Variants in NFIB observed in about 807,000 individuals in gnomAD.
The protein encoded by NFIB is nuclear factor I B.
In NFIB, 11 loss-of-function variants were observed where a neutral mutation model predicts 61.5. The observed-to-expected ratio is 0.18, with a 90% CI of 0.11 to 0.30. The LOEUF (loss-of-function observed/expected upper bound fraction) is 0.30. NFIB is among the 10% of genes least tolerant of loss of function. The pLI, the probability that NFIB is intolerant of heterozygous loss-of-function variation, is 1.00. For missense variants in NFIB, 471 were observed against 608.9 expected (o/e 0.77, Z 2.38); for synonymous variants, 260 against 216.5 (o/e 1.20, Z -1.76).
the NFIB span, among the ~76,000 whole-genome samples, chr9:14,509,096 G>T: frequency 6.6e-6 from 1 of 152,276 alleles, no homozygotes; most frequent in Non-Finnish European, 1.5e-5. Flanking sequence ...TTCAGCAAGC[G>T]TTTCTTGAGG....
At chr9:14,392,187 T>G (rs908818836) in intron 1 of NFIB, among the ~76,000 whole-genome samples, 1 of 152,156 alleles carries the variant, frequency 6.6e-6, no homozygotes, top group Non-Finnish European at 1.5e-5. Context: ...ACATAATGAC[T>G]AAATATAACG....
At chr9:14,213,168 C>G (rs2131741071) in intron 2 of NFIB, among the ~76,000 whole-genome samples, 1 of 152,288 alleles carries the variant, frequency 6.6e-6, no homozygotes, top group South Asian at 2.1e-4. Context: ...AATCTTCTCA[C>G]TGCCTGGGAA....
At chr9:14,339,929 A>G (rs2060930406) in intron 1 of NFIB, among the ~76,000 whole-genome samples, 1 of 152,192 alleles carries the variant, frequency 6.6e-6, no homozygotes, top group African/African-American at 2.4e-5. Context: ...GTATTTGGTA[A>G]TTGCCTGGCT....
At chr9:14,462,714 A>G in the NFIB span, among the ~76,000 whole-genome samples, 2 of 152,102 alleles carry the variant, frequency 1.3e-5, no homozygotes, top group Admixed American at 1.3e-4. Flanking sequence ...AATTGGGGGA[A>G]TTTTTCATAG....
At chr9:14,256,213 G>C (rs1369196889) in intron 2 of NFIB, among the ~76,000 whole-genome samples, 1 of 152,102 alleles carries the variant, frequency 6.6e-6, no homozygotes, top group Non-Finnish European at 1.5e-5. Flanking sequence ...ATTCCAGAGA[G>C]ATTGAATTTC....
chr9:14,116,203 C>T lies in NFIB; in HGVS notation c.1384+5G>A. 1 of 1,495,242 alleles carries T rather than the reference C, an allele frequency of 6.7e-7. No homozygotes were observed. The highest frequency in any genetic ancestry group is 9.0e-7 in the Non-Finnish European group (1 of 1,115,632). 92.6% of individuals were successfully genotyped at this position (1,495,242 alleles called of 1,614,324 possible). A position where few individuals can be genotyped will look rare whatever the true frequency, so the allele number is the denominator to read the frequency against. ...TACTGGTTGCTGTAGGTGAAGCTGC[C>T]TCACCTTCAGTGGATGTAGTGATGG... On this transcript the variant is annotated splice_donor_5th_base_variant and intron_variant, in intron 9 of 10. Transcript: ENST00000380953.
At position 14,084,243 on chromosome 9, in the gene NFIB, T is replaced by C. The variant is rs78844681; in HGVS notation, c.*4066A>G. The C allele has an allele frequency of 1.6e-3, 314 of 199,750 alleles. 3 individuals are homozygous for C. The highest frequency in any genetic ancestry group is 6.8e-3 in the African/African-American group (295 of 43,534). The allele number at this position is 199,750 out of a possible 1,614,324, so 12.4% of individuals were successfully genotyped here. A position where few individuals can be genotyped will look rare whatever the true frequency, so the allele number is the denominator to read the frequency against. On this transcript the variant is annotated 3_prime_UTR_variant, in exon 11 of 11. Transcript: ENST00000380953. ...TTACTTTAAAAATGGAAACAACATATAGTTCCATTATAATTGTTAAAAAGT... is the reference window on the plus strand; with the variant it reads ...TTACTTTAAAAATGGAAACAACATACAGTTCCATTATAATTGTTAAAAAGT...
At chr9:14,194,377 T>G (rs4551459) in intron 2 of NFIB, among the ~76,000 whole-genome samples, 4 of 151,980 alleles carry the variant, frequency 2.6e-5, no homozygotes, top group Admixed American at 6.6e-5. Context: ...CTAAAAACCA[T>G]AGGAATAATG....
chr9:14,113,015 A>C lies in NFIB; in HGVS notation c.1451T>G (p.Phe484Cys). The stretch of plus-strand genomic sequence containing the variant: ...CTTGCCCACCTGTTGCTGATGTAGG[A>C]AGGATGGGTCTCTTGGGCTTAGTCC... ...YVGLSPRDPS[F>C]LHQQQSWYLG The change falls in exon 10 of 11, where the codon TTC becomes TGC. Residue 484 changes from phenylalanine to cysteine, a missense_variant. Physicochemically the swap from Phe to Cys is radical, Grantham distance 205. Transcript: ENST00000380953. 1 of 1,550,310 alleles carries C rather than the reference A, an allele frequency of 6.5e-7. No homozygotes were observed.
chr9:14,199,989 A>T (rs1023700755), intron 2 of NFIB, among the ~76,000 whole-genome samples: 1 of 152,236 alleles, frequency 6.6e-6, no homozygotes, highest in Middle Eastern at 3.4e-3. Flanking sequence ...AGCAGAAGGG[A>T]TTGTCCAAAT....
intron 2 of NFIB, chr9:14,204,767 C>T (rs996655243): frequency 6.6e-5 from 35 of 529,062 alleles, no homozygotes; most frequent in African/African-American, 5.2e-4. Context: ...TGCCCTGTGT[C>T]GTAAAATGGG....
chr9:14,518,459 A>G, the NFIB span, among the ~76,000 whole-genome samples: 1 of 151,466 alleles, frequency 6.6e-6, no homozygotes, highest in Non-Finnish European at 1.5e-5. Flanking sequence ...TATTGAACTA[A>G]CAGCCCAGGA....
chr9:14,430,726 C>CA, the NFIB span, among the ~76,000 whole-genome samples: 1 of 152,134 alleles, frequency 6.6e-6, no homozygotes, highest in Non-Finnish European at 1.5e-5. Flanking sequence ...GGATGACAGG[C>CA]ACTCACCATC....
the NFIB span, among the ~76,000 whole-genome samples, chr9:14,508,770 T>C: frequency 6.6e-6 from 1 of 152,216 alleles, no homozygotes; most frequent in Admixed American, 6.5e-5. Flanking sequence ...AGCCCCCCTT[T>C]TGCCTGTGCT....
chr9:14,528,444 G>T, the NFIB span, among the ~76,000 whole-genome samples: 1 of 152,090 alleles, frequency 6.6e-6, no homozygotes, highest in African/African-American at 2.4e-5. Flanking sequence ...GAATAACCTT[G>T]GATAACAGAG....
chr9:14,240,519 C>T (rs1271005043), intron 2 of NFIB, among the ~76,000 whole-genome samples: 4 of 152,174 alleles, frequency 2.6e-5, no homozygotes, highest in African/African-American at 9.7e-5. Context: ...CACAAGACTG[C>T]TTCAAACTTT....
intron 2 of NFIB, among the ~76,000 whole-genome samples, chr9:14,266,541 G>A (rs1034425502): frequency 1.7e-4 from 26 of 152,092 alleles, no homozygotes; most frequent in African/African-American, 5.3e-4. Context: ...GCTGCAAGGA[G>A]CCACGGTCTT....
chr9:14,136,267 A>T lies in NFIB; in HGVS notation c.925+10422T>A, dbSNP rs1392163980. 2.0e-5 allele frequency among the ~76,000 whole-genome samples: 3 copies of T among 152,324 alleles called. No individual in the cohort carries two copies. The East Asian group carries it at 5.8e-4, about 29-fold the overall frequency. ...AAAGGGTCTTGAGTAATGTGTGTAAACCTAATTTGAAAGAGAGAAAAAACA... is the reference window on the plus strand; with the variant it reads ...AAAGGGTCTTGAGTAATGTGTGTAATCCTAATTTGAAAGAGAGAAAAAACA... On this transcript the variant is annotated intron_variant, in intron 6 of 10. Transcript: ENST00000380953.
chr9:14,437,530 T>A, the NFIB span, among the ~76,000 whole-genome samples: 1 of 152,218 alleles, frequency 6.6e-6, no homozygotes, highest in Non-Finnish European at 1.5e-5. Flanking sequence ...AGATGACTGT[T>A]TACCAGGGGC....
Sources: gnomAD v4.1 joint callset for allele counts (sites outside exome capture counted in the v4.1 genomes callset) on GRCh38, gnomAD v4.1.1 for gene constraint, MANE v1.5 for transcripts, NCBI Gene and HGNC (gene_info 2026-07-23, HGNC 2026-07-21) for gene names.